PDE7A: variants seen among roughly 807,000 people sequenced by gnomAD.
The protein encoded by PDE7A is high affinity 3',5'-cyclic-AMP phosphodiesterase 7A.
Under a neutral mutation model 64.3 loss-of-function variants are expected in PDE7A, and 39 were observed. That is an observed-to-expected ratio of 0.61 (90% CI 0.47 to 0.79). PDE7A has a LOEUF of 0.79. PDE7A is among the 30% of genes least tolerant of loss of function. The probability of loss-of-function intolerance (pLI) is 0.00; values close to 1 mark genes in which losing one functional copy is unlikely to be tolerated. For missense variants in PDE7A, 470 were observed against 582.8 expected, an observed-to-expected ratio of 0.81 and a Z score of 1.99; for synonymous variants, 203 against 206.8, an observed-to-expected ratio of 0.98 and a Z score of 0.16.
At chr8:65,746,235 AG>A (rs991659782) in intron 4 of PDE7A, among the ~76,000 whole-genome samples, 74 of 152,050 alleles carry the variant, frequency 4.9e-4, no homozygotes, top group African/African-American at 1.6e-3. Context: ...CACCCAGCCC[AG>A]GCATTGTTTT....
chr8:65,746,321 A>G (rs1807675400), intron 4 of PDE7A, among the ~76,000 whole-genome samples: 1 of 152,176 alleles, frequency 6.6e-6, no homozygotes, highest in Admixed American at 6.5e-5. Context: ...TAGAGCTGGG[A>G]TCTTAAATTA....
At chr8:65,730,368 C>T (rs551165054) in intron 7 of PDE7A, among the ~76,000 whole-genome samples, 2 of 150,314 alleles carry the variant, frequency 1.3e-5, no homozygotes, top group Non-Finnish European at 3.0e-5. Flanking sequence ...TTAGTAGAGA[C>T]AGGGTTTCTC....
chr8:65,737,499 A>C (rs967186767), intron 6 of PDE7A, among the ~76,000 whole-genome samples: 9 of 152,094 alleles, frequency 5.9e-5, no homozygotes, highest in African/African-American at 2.2e-4. Flanking sequence ...AAAAATGGTT[A>C]TATTAATTAT....
chr8:65,827,343 T>C (rs1810703244), intron 1 of PDE7A, among the ~76,000 whole-genome samples: 1 of 152,230 alleles, frequency 6.6e-6, no homozygotes. Context: ...GGTAATATTC[T>C]ATGATCTTAA....
intron 7 of PDE7A, among the ~76,000 whole-genome samples, chr8:65,731,992 G>A (rs904277260): frequency 3.3e-5 from 5 of 151,232 alleles, no homozygotes; most frequent in African/African-American, 9.7e-5. Context: ...TATTATTGTT[G>A]TTGTTGTTGT....
At chr8:65,789,019 T>C in intron 1 of PDE7A, 1 of 1,584,532 alleles carries the variant, frequency 6.3e-7, no homozygotes, top group Non-Finnish European at 8.6e-7. Context: ...GTCTGATAAA[T>C]ACCAGCTGTC....
intron 5 of PDE7A, among the ~76,000 whole-genome samples, chr8:65,742,496 C>T (rs78416949): frequency 0.02 from 3,046 of 152,322 alleles, 31 homozygotes; most frequent in Admixed American, 0.021. Flanking sequence ...TTTGCTTCCT[C>T]CTCTGCCTTG....
intron 1 of PDE7A, among the ~76,000 whole-genome samples, chr8:65,818,267 A>AT (rs1184264351): frequency 6.6e-6 from 1 of 151,468 alleles, no homozygotes. Flanking sequence ...ACGTCTTATA[A>AT]TTTTTTTTGT....
intron 1 of PDE7A, among the ~76,000 whole-genome samples, chr8:65,808,754 A>G (rs935454944): frequency 7.9e-5 from 12 of 152,230 alleles, no homozygotes; most frequent in Admixed American, 2.6e-4. Flanking sequence ...CGTGAGCACA[A>G]GAAGACACTT....
chr8:65,782,561 C>T (rs1809447467), intron 2 of PDE7A, among the ~76,000 whole-genome samples: 1 of 152,076 alleles, frequency 6.6e-6, no homozygotes, highest in African/African-American at 2.4e-5. Flanking sequence ...TGACAGTGTC[C>T]CAGTTATTAG....
intron 3 of PDE7A, among the ~76,000 whole-genome samples, chr8:65,758,215 C>A (rs918093382): frequency 6.6e-6 from 1 of 152,220 alleles, no homozygotes; most frequent in African/African-American, 2.4e-5. Context: ...CGTATTCACT[C>A]TCAGCCCCAA....
chr8:65,721,130 A>C (rs1310015921), intron 12 of PDE7A, among the ~76,000 whole-genome samples: 3 of 151,790 alleles, frequency 2.0e-5, no homozygotes, highest in Admixed American at 1.3e-4. Flanking sequence ...GGAGGGCAGG[A>C]CTCTGTTAAT....
chr8:65,829,957 TA>T (rs1200527764), intron 1 of PDE7A, among the ~76,000 whole-genome samples: 2 of 151,876 alleles, frequency 1.3e-5, no homozygotes, highest in African/African-American at 2.4e-5. Context: ...GCATGGAGAG[TA>T]AAGAGAATTG....
At chr8:65,758,738 C>T (rs1480305610) in intron 3 of PDE7A, among the ~76,000 whole-genome samples, 1 of 152,216 alleles carries the variant, frequency 6.6e-6, no homozygotes, top group Non-Finnish European at 1.5e-5. Flanking sequence ...TGTCTGACAA[C>T]TGTTGGCCAC....
intron 3 of PDE7A, among the ~76,000 whole-genome samples, chr8:65,751,392 T>C (rs1010704447): frequency 3.3e-5 from 5 of 152,046 alleles, no homozygotes; most frequent in African/African-American, 1.2e-4. Flanking sequence ...CAACCCTCTA[T>C]GTGTCCCCTT....
chr8:65,830,339 TGACA>T (rs1810785794), intron 1 of PDE7A, among the ~76,000 whole-genome samples: 1 of 152,084 alleles, frequency 6.6e-6, no homozygotes, highest in Non-Finnish European at 1.5e-5. Context: ...AGTTGCTACC[TGACA>T]AAGCATTAAG....
chr8:65,813,804 T>C (rs1419626206), intron 1 of PDE7A, among the ~76,000 whole-genome samples: 1 of 152,218 alleles, frequency 6.6e-6, no homozygotes, highest in Non-Finnish European at 1.5e-5. Flanking sequence ...GTCCTCTCTT[T>C]AATCGTCTGG....
chr8:65,805,758 G>A (rs184620639), intron 1 of PDE7A, among the ~76,000 whole-genome samples: 31 of 152,192 alleles, frequency 2.0e-4, no homozygotes, highest in Non-Finnish European at 4.0e-4. Context: ...GCTTCTGTTC[G>A]TAAGTCCCTA....
chr8:65,727,499 T>G (rs529404003), intron 7 of PDE7A, 198 bp from the exon 8 acceptor site: 2 of 585,658 alleles, frequency 3.4e-6, no homozygotes, highest in Admixed American at 6.9e-5. Flanking sequence ...GGCAAAGCCA[T>G]GATACAACAG....
Sources: gnomAD v4.1 joint callset for allele counts (sites outside exome capture counted in the v4.1 genomes callset) on GRCh38, gnomAD v4.1.1 for gene constraint, MANE v1.5 for transcripts, NCBI Gene and HGNC (gene_info 2026-07-23, HGNC 2026-07-21) for gene names.